FSTL5: variants seen among roughly 807,000 people sequenced by gnomAD.
FSTL5 encodes the protein follistatin-related protein 5.
A neutral mutation model predicts 89.1 loss-of-function variants in FSTL5; 62 were observed. That is an observed-to-expected ratio of 0.70 (90% CI 0.57 to 0.86). The LOEUF is 0.86. Ranked by LOEUF, FSTL5 falls within the 40% of genes least tolerant of loss-of-function variation. The probability of loss-of-function intolerance (pLI) is 0.00; values close to 1 mark genes in which losing one functional copy is unlikely to be tolerated. For missense variants in FSTL5, 1,057 were observed against 1,001.6 expected, an observed-to-expected ratio of 1.06 and a Z score of -0.75; for synonymous variants, 383 against 346.2, an observed-to-expected ratio of 1.11 and a Z score of -1.18.
intron 4 of FSTL5, among the ~76,000 whole-genome samples, chr4:161,837,270 G>A (rs1343475625): frequency 4.6e-5 from 7 of 151,906 alleles, no homozygotes; most frequent in Non-Finnish European, 2.9e-5. Context: ...AGAAAGAAGA[G>A]TCCATGAAAT....
At chr4:161,927,960 C>T (rs1456632037) in intron 3 of FSTL5, among the ~76,000 whole-genome samples, 1 of 151,642 alleles carries the variant, frequency 6.6e-6, no homozygotes, top group East Asian at 1.9e-4. Context: ...ACCATTAACA[C>T]CCTAACATTA....
chr4:162,072,409 A>C (rs1265211069), intron 2 of FSTL5, among the ~76,000 whole-genome samples: 1 of 151,888 alleles, frequency 6.6e-6, no homozygotes. Flanking sequence ...TTTTAAAGGA[A>C]GATAACAAGG....
intron 7 of FSTL5, among the ~76,000 whole-genome samples, chr4:161,621,267 TACACACACACAC>T (rs146037793): frequency 9.1e-4 from 133 of 146,136 alleles, no homozygotes; most frequent in African/African-American, 1.2e-3. Flanking sequence ...ATGTAAAGAC[TACACACACACAC>T]ACACACACAC....
intron 7 of FSTL5, among the ~76,000 whole-genome samples, chr4:161,625,188 A>G (rs1007427437): frequency 1.3e-5 from 2 of 152,160 alleles, no homozygotes; most frequent in Non-Finnish European, 2.9e-5. Flanking sequence ...TACTAGTTTA[A>G]TATCAGTATT....
In FSTL5 at chr4:161,564,184, T is replaced by G. The variant is rs369320017; in HGVS notation, c.1016-21491A>C. Among the ~76,000 whole-genome samples the G allele has an allele frequency of 6.6e-5, 10 of 151,514 alleles. No individual in the cohort carries two copies. In the East Asian group the frequency reaches 1.9e-3, roughly 29 times the overall value. On this transcript the variant is annotated intron_variant, in intron 8 of 15. Transcript: ENST00000306100. ...CTACAACAATACTTGATGTATATTA[T>G]CAGAACCATCAAATTATAAATTATG...
intron 6 of FSTL5, among the ~76,000 whole-genome samples, chr4:161,745,157 C>T (rs554114524): frequency 1.3e-5 from 2 of 151,968 alleles, no homozygotes; most frequent in South Asian, 4.2e-4. Context: ...CTGATAAGTC[C>T]CACTATCTCC....
intron 3 of FSTL5, among the ~76,000 whole-genome samples, chr4:161,934,479 G>T (rs1734379393): frequency 1.3e-5 from 2 of 152,074 alleles, no homozygotes; most frequent in African/African-American, 2.4e-5. Flanking sequence ...CCTCAGTCAT[G>T]AAATAACTCA....
At chr4:161,456,507 C>T (rs1424575685) in intron 14 of FSTL5, among the ~76,000 whole-genome samples, 1 of 152,110 alleles carries the variant, frequency 6.6e-6, no homozygotes, top group Admixed American at 6.5e-5. Context: ...ATTTTCTGAT[C>T]CTTGAGAACA....
intron 2 of FSTL5, among the ~76,000 whole-genome samples, chr4:162,091,163 C>T (rs1730534455): frequency 1.3e-5 from 2 of 152,114 alleles, no homozygotes; most frequent in South Asian, 4.1e-4. Context: ...GCTAAATTGT[C>T]ACTTCAGCCA....
intron 4 of FSTL5, among the ~76,000 whole-genome samples, chr4:161,846,472 C>A (rs945283265): frequency 6.6e-6 from 1 of 152,044 alleles, no homozygotes; most frequent in African/African-American, 2.4e-5. Flanking sequence ...TACAGTTTTA[C>A]AGGTACCTAA....
intron 6 of FSTL5, among the ~76,000 whole-genome samples, chr4:161,662,800 C>T (rs906416755): frequency 1.3e-5 from 2 of 152,154 alleles, no homozygotes; most frequent in African/African-American, 4.8e-5. Flanking sequence ...CTAATTCACA[C>T]TGAGTCACTG....
intron 7 of FSTL5, among the ~76,000 whole-genome samples, chr4:161,621,649 T>G (rs1158767856): frequency 6.6e-6 from 1 of 151,926 alleles, no homozygotes; most frequent in African/African-American, 2.4e-5. Context: ...TAAACTCCCC[T>G]AAGATTCATA....
At chr4:161,496,030 C>T (rs1730058245) in intron 12 of FSTL5, among the ~76,000 whole-genome samples, 3 of 151,986 alleles carry the variant, frequency 2.0e-5, no homozygotes, top group Admixed American at 2.0e-4. Flanking sequence ...ACATTTTTCA[C>T]AAACACATTG....
intron 10 of FSTL5, among the ~76,000 whole-genome samples, chr4:161,531,669 T>G (rs7673405): frequency 0.056 from 8,530 of 152,264 alleles, 778 homozygotes; most frequent in African/African-American, 0.19. Flanking sequence ...TAAAGTATCT[T>G]AATATATACA....
intron 4 of FSTL5, among the ~76,000 whole-genome samples, chr4:161,837,071 T>C (rs1731069149): frequency 6.6e-6 from 1 of 152,058 alleles, no homozygotes; most frequent in South Asian, 2.1e-4. Flanking sequence ...ATTTAAGAGT[T>C]TGTTAAAATG....
chr4:161,390,095 C>T (rs1031312512), intron 15 of FSTL5, among the ~76,000 whole-genome samples: 8 of 152,126 alleles, frequency 5.3e-5, no homozygotes, highest in Admixed American at 3.3e-4. Context: ...AAATATCTCA[C>T]ATTGTTAAAA....
intron 6 of FSTL5, among the ~76,000 whole-genome samples, chr4:161,660,410 G>T (rs141082000): frequency 0.014 from 2,158 of 152,216 alleles, 65 homozygotes; most frequent in South Asian, 0.13. Context: ...ATGAGGCATT[G>T]ATTTCAATAG....
intron 4 of FSTL5, among the ~76,000 whole-genome samples, chr4:161,784,466 A>G (rs1437308235): frequency 2.0e-5 from 3 of 152,144 alleles, no homozygotes; most frequent in Non-Finnish European, 1.5e-5. Context: ...TAGTCAAAAG[A>G]TGCATGTGAT....
chr4:162,055,682 T>C (rs1738519887), intron 2 of FSTL5, among the ~76,000 whole-genome samples: 1 of 151,862 alleles, frequency 6.6e-6, no homozygotes, highest in Admixed American at 6.6e-5. Context: ...TAAGAACTGA[T>C]AAAACAATTT....
Sources: gnomAD v4.1 joint callset for allele counts (sites outside exome capture counted in the v4.1 genomes callset) on GRCh38, gnomAD v4.1.1 for gene constraint, MANE v1.5 for transcripts, NCBI Gene and HGNC (gene_info 2026-07-23, HGNC 2026-07-21) for gene names.